METTL15: variants seen among roughly 807,000 people sequenced by gnomAD.
The protein encoded by METTL15 is methyltransferase 15, mitochondrial 12S rRNA N4-cytidine.
METTL15 carries 34 observed loss-of-function variants against 38.3 expected under a neutral mutation model. That is an observed-to-expected ratio of 0.89 (90% CI 0.68 to 1.18). METTL15 has a LOEUF of 1.18. Among genes scored for constraint, METTL15 ranks in the 50% most tolerant of loss-of-function variants. METTL15 has a pLI of 0.00. For missense variants in METTL15, 438 were observed against 498.4 expected (o/e 0.88, Z 1.15); for synonymous variants, 162 against 170.9 (o/e 0.95, Z 0.41).
At chr11:28,269,764 CT>C (rs1311217104) in intron 4 of METTL15, among the ~76,000 whole-genome samples, 1 of 152,138 alleles carries the variant, frequency 6.6e-6, no homozygotes, top group East Asian at 1.9e-4. Flanking sequence ...TGTTTTTCCC[CT>C]GAAAATATTA....
intron 6 of METTL15, among the ~76,000 whole-genome samples, chr11:28,328,446 T>C (rs148066173): frequency 3.9e-5 from 6 of 152,278 alleles, no homozygotes; most frequent in Non-Finnish European, 8.8e-5. Context: ...TTTAGATTAC[T>C]GAAATGTGAA....
chr11:28,192,773 T>C (rs1262155881), intron 3 of METTL15, among the ~76,000 whole-genome samples: 1 of 152,068 alleles, frequency 6.6e-6, no homozygotes. Context: ...TACCCTATAA[T>C]CCACAGGACA....
intron 3 of METTL15, among the ~76,000 whole-genome samples, chr11:28,197,029 A>G (rs953180329): frequency 4.6e-5 from 7 of 151,996 alleles, no homozygotes; most frequent in Admixed American, 4.6e-4. Flanking sequence ...TTGAAACTAT[A>G]TTTTTAAAGA....
chr11:28,115,935 T>TACACACAC (rs112533269), intron 3 of METTL15, among the ~76,000 whole-genome samples: 149 of 142,444 alleles, frequency 1.0e-3, no homozygotes, highest in South Asian at 4.4e-3. Flanking sequence ...CACATACACA[T>TACACACAC]ACACACACAC....
At chr11:28,348,686 AT>A (rs1850017129) in intron 3 of METTL15, among the ~76,000 whole-genome samples, 1 of 95,398 alleles carries the variant, frequency 1.0e-5, no homozygotes, top group African/African-American at 6.9e-5. Flanking sequence ...CCATTTATGT[AT>A]GTATGTATGT....
At chr11:28,394,028 A>C (rs1000596460) in intron 5 of METTL15, among the ~76,000 whole-genome samples, 1 of 152,116 alleles carries the variant, frequency 6.6e-6, no homozygotes, top group African/African-American at 2.4e-5. Context: ...ACAGTCTGCT[A>C]TAATTACCTT....
At chr11:28,384,439 GC>G (rs1850420099) in intron 5 of METTL15, among the ~76,000 whole-genome samples, 1 of 151,896 alleles carries the variant, frequency 6.6e-6, no homozygotes, top group African/African-American at 2.4e-5. Flanking sequence ...CTCCCAAGTA[GC>G]TGGGATTACA....
At chr11:28,326,794 T>G (rs1409754425) in intron 6 of METTL15, among the ~76,000 whole-genome samples, 1 of 151,744 alleles carries the variant, frequency 6.6e-6, no homozygotes, top group East Asian at 1.9e-4. Flanking sequence ...TTGGTTTTTG[T>G]TTTTTTGTAG....
At chr11:28,183,609 G>A (rs763211404) in intron 3 of METTL15, among the ~76,000 whole-genome samples, 10 of 152,038 alleles carry the variant, frequency 6.6e-5, no homozygotes, top group African/African-American at 1.9e-4. Context: ...GGATGAAGCC[G>A]ACTTGATCGT....
chr11:28,428,269 T>C (rs1475364389), intron 6 of METTL15, among the ~76,000 whole-genome samples: 1 of 152,206 alleles, frequency 6.6e-6, no homozygotes, highest in Non-Finnish European at 1.5e-5. Context: ...TAAGCAATTA[T>C]AACACAATGG....
intron 5 of METTL15, among the ~76,000 whole-genome samples, chr11:28,375,570 A>G (rs1337826852): frequency 6.6e-6 from 1 of 151,374 alleles, no homozygotes; most frequent in African/African-American, 2.4e-5. Flanking sequence ...TTTCTTTATT[A>G]GTCTTGCTGG....
intron 4 of METTL15, among the ~76,000 whole-genome samples, chr11:28,354,132 A>G (rs1358536129): frequency 6.6e-6 from 1 of 152,122 alleles, no homozygotes; most frequent in Non-Finnish European, 1.5e-5. Flanking sequence ...AATGAGAGAG[A>G]GTAGGTTAAC....
intron 3 of METTL15, among the ~76,000 whole-genome samples, chr11:28,175,894 A>G (rs564636567): frequency 1.3e-5 from 2 of 152,062 alleles, no homozygotes; most frequent in African/African-American, 4.8e-5. Flanking sequence ...TGTAAGAGAT[A>G]GAAAATAAAT....
chr11:28,513,650 A>T (rs552722362), intron 6 of METTL15, among the ~76,000 whole-genome samples: 1 of 152,382 alleles, frequency 6.6e-6, no homozygotes, highest in Admixed American at 6.5e-5. Context: ...CCTATTTATT[A>T]ACAGCAAGCC....
chr11:28,369,607 C>T (rs1850223066), intron 5 of METTL15, among the ~76,000 whole-genome samples: 1 of 152,076 alleles, frequency 6.6e-6, no homozygotes, highest in South Asian at 2.1e-4. Context: ...GATTTCTCAG[C>T]AGAAACATTG....
At chr11:28,343,678 C>A (rs974811268) in intron 3 of METTL15, among the ~76,000 whole-genome samples, 2 of 152,138 alleles carry the variant, frequency 1.3e-5, no homozygotes, top group Non-Finnish European at 2.9e-5. Flanking sequence ...CAAATAAATT[C>A]TAATATTTAA....
intron 6 of METTL15, among the ~76,000 whole-genome samples, chr11:28,492,478 G>A (rs1851502835): frequency 1.3e-5 from 2 of 151,390 alleles, no homozygotes; most frequent in Non-Finnish European, 2.9e-5. Flanking sequence ...TTGCTGTGTG[G>A]AAATGTCAGA....
intron 4 of METTL15, among the ~76,000 whole-genome samples, chr11:28,289,065 T>C (rs1375256673): frequency 6.6e-6 from 1 of 152,168 alleles, no homozygotes; most frequent in Non-Finnish European, 1.5e-5. Context: ...TGCCTTTCAA[T>C]AGCAAGATTC....
intron 6 of METTL15, among the ~76,000 whole-genome samples, chr11:28,475,155 C>T (rs965010125): frequency 6.6e-6 from 1 of 152,114 alleles, no homozygotes; most frequent in Non-Finnish European, 1.5e-5. Flanking sequence ...GAAGGTAAAC[C>T]CACTAGAAAG....
Sources: gnomAD v4.1 joint callset for allele counts (sites outside exome capture counted in the v4.1 genomes callset) on GRCh38, gnomAD v4.1.1 for gene constraint, MANE v1.5 for transcripts, NCBI Gene and HGNC (gene_info 2026-07-23, HGNC 2026-07-21) for gene names.